DMD: variants seen among roughly 807,000 people sequenced by gnomAD.
DMD encodes mutant dystrophin.
Under a neutral mutation model 330.1 loss-of-function variants are expected in DMD, and 63 were observed. That is an observed-to-expected ratio of 0.19 (90% CI 0.16 to 0.24). DMD has a LOEUF of 0.24. Among genes scored for constraint, DMD ranks in the 10% least tolerant of loss-of-function variants. The pLI is 1.00. For missense variants in DMD, 3,344 were observed against 2,684.1 expected, an observed-to-expected ratio of 1.25 and a Z score of -5.43; for synonymous variants, 1,223 against 959.8, an observed-to-expected ratio of 1.27 and a Z score of -5.07.
intron 34 of DMD, 75 bp downstream of exon 34, chrX:32,380,432 ATGT>A: frequency 2.2e-6 from 2 of 913,057 alleles, no homozygotes; most frequent in Non-Finnish European, 3.2e-6. Flanking sequence ...TTATTGCTAC[ATGT>A]TAATACTTCC....
At chrX:32,415,083 A>G (rs1305622242) in intron 29 of DMD, among the ~76,000 whole-genome samples, 1 of 112,011 alleles carries the variant, frequency 8.9e-6, no homozygotes, top group East Asian at 2.8e-4. Context: ...ACTTCCAATC[A>G]CAGCGTGTAA....
At chrX:31,482,234 TGTG>T (rs1569546431) in intron 57 of DMD, among the ~76,000 whole-genome samples, 1 of 76,175 alleles carries the variant, frequency 1.3e-5, no homozygotes, top group Non-Finnish European at 2.3e-5. Context: ...TGTGTGTGTG[TGTG>T]GGGGGGGTGT....
intron 44 of DMD, among the ~76,000 whole-genome samples, chrX:31,976,545 G>A (rs2095437408): frequency 9.0e-6 from 1 of 110,781 alleles, no homozygotes; most frequent in Admixed American, 9.7e-5. Context: ...ATTTTCATTT[G>A]CTGGCAGAGA....
At chrX:31,913,222 T>G (rs1332287908) in intron 47 of DMD, among the ~76,000 whole-genome samples, 1 of 111,945 alleles carries the variant, frequency 8.9e-6, no homozygotes, top group Non-Finnish European at 1.9e-5. Flanking sequence ...GCCAGTAACT[T>G]TTAGAGTGGT....
At chrX:31,195,630 T>A (rs763600541) in intron 67 of DMD, among the ~76,000 whole-genome samples, 1 of 109,698 alleles carries the variant, frequency 9.1e-6, no homozygotes, top group Non-Finnish European at 1.9e-5. Flanking sequence ...AGAGCTGTGG[T>A]TTCCAGAGAT....
chrX:33,309,595 G>T (rs925062038), intron 1 of DMD, among the ~76,000 whole-genome samples: 1 of 110,730 alleles, frequency 9.0e-6, no homozygotes, highest in Non-Finnish European at 1.9e-5. Context: ...CAAAGAGATA[G>T]TAAACTTTTT....
At chrX:32,835,797 G>A (rs1401398287) in intron 4 of DMD, among the ~76,000 whole-genome samples, 2 of 111,192 alleles carry the variant, frequency 1.8e-5, no homozygotes, top group Non-Finnish European at 3.8e-5. Flanking sequence ...AGACCCTAAG[G>A]AAAAGAGAGA....
At chrX:32,418,146 A>C (rs1424343342) in intron 29 of DMD, among the ~76,000 whole-genome samples, 2 of 111,264 alleles carry the variant, frequency 1.8e-5, no homozygotes, top group East Asian at 5.7e-4. Flanking sequence ...CAGAGGCCAG[A>C]AAGCAAAGGG....
intron 41 of DMD, among the ~76,000 whole-genome samples, chrX:32,335,038 A>G (rs1160963357): frequency 9.0e-6 from 1 of 111,480 alleles, no homozygotes; most frequent in Non-Finnish European, 1.9e-5. Context: ...CAGTAAAATG[A>G]CAAAGAAAAT....
At chrX:33,049,567 T>C (rs770000235) in intron 1 of DMD, among the ~76,000 whole-genome samples, 3 of 110,694 alleles carry the variant, frequency 2.7e-5, no homozygotes, top group South Asian at 3.8e-4. Context: ...AGGTTTAAGA[T>C]GCCATTGAAT....
At chrX:32,878,309 C>T (rs774226718) in intron 2 of DMD, among the ~76,000 whole-genome samples, 2 of 111,266 alleles carry the variant, frequency 1.8e-5, no homozygotes, top group South Asian at 3.8e-4. Flanking sequence ...ACCTGGGAGG[C>T]GGAGCTTGCA....
rs2270672 is a variant in DMD at position 31,657,979 on chromosome X, G to A, written c.8027+11C>T. ...AGCCAACAGTAGTTTTAGAAATAATGTAATTCATACCTTTTATGAATGCTT... is the reference window on the plus strand; with the variant it reads ...AGCCAACAGTAGTTTTAGAAATAATATAATTCATACCTTTTATGAATGCTT... On this transcript the variant is annotated intron_variant, in intron 54 of 78. Coordinates refer to ENST00000357033, the MANE Select transcript of DMD (RefSeq NM_004006.3). 0.35 allele frequency: 420,052 copies of A among 1,201,414 alleles called. 50,207 individuals carry two copies. Among genetic ancestry groups the A allele is most frequent in the South Asian group, 0.43 (24,571 of 56,554 alleles).
chrX:33,042,357 CATT>C (rs768120363), intron 1 of DMD, among the ~76,000 whole-genome samples: 98 of 112,056 alleles, frequency 8.7e-4, no homozygotes, highest in African/African-American at 3.1e-3. Flanking sequence ...TTTCAAGTTT[CATT>C]GATAGTCCTA....
chrX:32,045,554 C>T (rs192814034), intron 44 of DMD, among the ~76,000 whole-genome samples: 2 of 110,332 alleles, frequency 1.8e-5, no homozygotes, highest in East Asian at 5.7e-4. Context: ...TACCCAGTCT[C>T]GGCTATTTCT....
intron 7 of DMD, among the ~76,000 whole-genome samples, chrX:32,731,924 C>T (rs188484999): frequency 2.5e-3 from 279 of 112,157 alleles, no homozygotes; most frequent in African/African-American, 8.9e-3. Flanking sequence ...ATGACTTTGA[C>T]GAGCTGAGAG....
rs761916684 is a variant in DMD, at chrX:31,980,745, T to C, written c.6439-12231A>G. Reference sequence around the variant, plus strand: ...CAGAATCTGAATATTATACAAAGTATCTTGACAGATTGAAGTTCTCAACTA... The same window carrying C: ...CAGAATCTGAATATTATACAAAGTACCTTGACAGATTGAAGTTCTCAACTA... On this transcript the variant is annotated intron_variant, in intron 44 of 78. Transcript: ENST00000357033. Among the ~76,000 whole-genome samples, 8 of 112,081 alleles carry C rather than the reference T, an allele frequency of 7.1e-5. No individual in the cohort carries two copies. In the South Asian group the frequency reaches 2.9e-3, roughly 41 times the overall value.
intron 29 of DMD, among the ~76,000 whole-genome samples, chrX:32,412,421 G>A (rs1320695929): frequency 1.8e-5 from 2 of 111,936 alleles, no homozygotes; most frequent in Non-Finnish European, 3.8e-5. Flanking sequence ...GATTTATTTT[G>A]AATACTATTT....
intron 2 of DMD, among the ~76,000 whole-genome samples, chrX:32,946,713 T>C (rs1569544847): frequency 8.9e-6 from 1 of 112,214 alleles, no homozygotes; most frequent in Non-Finnish European, 1.9e-5. Flanking sequence ...ACATTTTTTT[T>C]CTTGTTCATA....
At chrX:32,175,940 G>A (rs774582044) in intron 44 of DMD, among the ~76,000 whole-genome samples, 1 of 111,985 alleles carries the variant, frequency 8.9e-6, no homozygotes, top group Admixed American at 9.5e-5. Context: ...CTCAATTGAA[G>A]TATGAGATAA....
Sources: allele counts gnomAD v4.1 joint callset (sites outside exome capture counted in the v4.1 genomes callset), GRCh38; gene constraint gnomAD v4.1.1; transcripts MANE v1.5; gene names NCBI Gene and HGNC (gene_info 2026-07-23, HGNC 2026-07-21).